The following SLC6A3 variants were observed in gnomAD, a reference collection of about 807,000 sequenced individuals.
The protein encoded by SLC6A3 is solute carrier family 6 member 3.
In SLC6A3, 19 loss-of-function variants were observed where a neutral mutation model predicts 70.4. That is an observed-to-expected ratio of 0.27 (90% CI 0.19 to 0.40). The LOEUF is 0.40. Among genes scored for constraint, SLC6A3 ranks in the 10% least tolerant of loss-of-function variants. SLC6A3 has a pLI of 1.00. For missense variants in SLC6A3, 613 were observed against 838.5 expected, an observed-to-expected ratio of 0.73 and a Z score of 3.32; for synonymous variants, 368 against 356.6, an observed-to-expected ratio of 1.03 and a Z score of -0.36.
Position 1,402,254 on chromosome 5 carries a change from C to G in SLC6A3, c.1767+668G>C, listed in dbSNP as rs1222972415. Among the ~76,000 whole-genome samples the G allele has an allele frequency of 6.6e-6, 1 of 151,928 alleles. No individual in the cohort carries two copies. Among genetic ancestry groups the G allele is most frequent in the Non-Finnish European group, 1.5e-5 (1 of 67,972 alleles). On this transcript the variant is annotated intron_variant, in intron 13 of 14. Transcript: ENST00000270349. The surrounding 1 kb of genome is among the most constrained non-coding windows in gnomAD (Gnocchi z 8.5). ...TCTTCCAAGGAGGGAGTGTCCTTGT[C>G]TCTTCCTGGAACCACAGAGCCAGGG...
intron 5 of SLC6A3, 88 bp from the exon 6 acceptor site, chr5:1,420,791 C>A (rs917351311): frequency 3.5e-6 from 5 of 1,438,536 alleles, no homozygotes; most frequent in African/African-American, 1.4e-5. Flanking sequence ...GTTGCCCTGA[C>A]GGCTTGTCCT....
Position 1,411,517 on chromosome 5 carries a change from G to GCCT in SLC6A3, c.1157-165_1157-163dup, listed in dbSNP as rs1362116424. 1.3e-5 allele frequency among the ~76,000 whole-genome samples: 2 copies of GCCT among 152,184 alleles called. No homozygotes were observed. The highest frequency in any genetic ancestry group is 4.8e-5 in the African/African-American group (2 of 41,442). On this transcript the variant is annotated intron_variant, in intron 8 of 14. Transcript: ENST00000270349. The surrounding 1 kb of genome is among the most constrained non-coding windows in gnomAD (Gnocchi z 6.5). ...CCCTTCTATATGTCCAGCAGACCAG[G>GCCT]CCTGGGACTCAGGAAAGCGGAAACC...
At chr5:1,403,939 T>C (rs1755910920) in intron 12 of SLC6A3, among the ~76,000 whole-genome samples, 1 of 152,266 alleles carries the variant, frequency 6.6e-6, no homozygotes, top group African/African-American at 2.4e-5. Flanking sequence ...CACACCTGAA[T>C]GTGTTCTGTG....
chr5:1,418,859 TATCC>T (rs148583954), intron 6 of SLC6A3, among the ~76,000 whole-genome samples: 29,754 of 144,610 alleles, frequency 0.21, 3,099 homozygotes, highest in South Asian at 0.29. Context: ...ATCCATCCAT[TATCC>T]ATCCATCCAT....
At chr5:1,427,405 G>A (rs1463488148) in intron 4 of SLC6A3, among the ~76,000 whole-genome samples, 1 of 152,204 alleles carries the variant, frequency 6.6e-6, no homozygotes, top group Non-Finnish European at 1.5e-5. Flanking sequence ...AGCTAATAGT[G>A]TTGATAAAAT....
chr5:1,395,279 A>G (rs1159949117), intron 14 of SLC6A3, among the ~76,000 whole-genome samples: 4 of 152,218 alleles, frequency 2.6e-5, no homozygotes, highest in Non-Finnish European at 4.4e-5. Flanking sequence ...TCAGGGACTG[A>G]TGAGATAGAC....
Position 1,401,765 on chromosome 5 carries a change from G to A in SLC6A3, c.1768-779C>T, listed in dbSNP as rs1269410735. Among the ~76,000 whole-genome samples the A allele has an allele frequency of 6.6e-6, 1 of 152,234 alleles. No individual in the cohort carries two copies. Among genetic ancestry groups the A allele is most frequent in the Non-Finnish European group, 1.5e-5 (1 of 68,042 alleles). On this transcript the variant is annotated intron_variant, in intron 13 of 14. Coordinates refer to ENST00000270349, the MANE Select transcript of SLC6A3 (RefSeq NM_001044.5). The surrounding 1 kb of genome is among the most constrained non-coding windows in gnomAD (Gnocchi z 6.1). ...ATCCTCCAGCTCTGCGCTGACCTGG[G>A]CCCCGCCTCCCACGTCCATCCAGCC... is the stretch of plus-strand genomic sequence containing the variant.
chr5:1,441,305 G>A (rs559095663), intron 3 of SLC6A3, 54 bp downstream of exon 3: 132 of 1,610,722 alleles, frequency 8.2e-5, no homozygotes, highest in Admixed American at 7.3e-4. Context: ...AAGCTCCAGC[G>A]TCACCACCAT....
In SLC6A3 at chr5:1,422,683, T is replaced by C. The variant is rs191435552; in HGVS notation, c.654-669A>G. 1.2e-3 allele frequency among the ~76,000 whole-genome samples: 33 copies of C among 26,480 alleles called. 9 individuals carry two copies. Among genetic ancestry groups the C allele is most frequent in the East Asian group, 7.1e-3 (3 of 420 alleles). The allele number at this position is 26,480 out of a possible 152,430, so 17.4% of individuals were successfully genotyped here. ...ACCCACCGCTGCCCAGTGCTGCCCA[T>C]GGTGCTGGGTGCCCACCACTGCCCA... On this transcript the variant is annotated intron_variant, in intron 4 of 14. Transcript: ENST00000270349.
chr5:1,429,957 G>A (rs922697190), intron 4 of SLC6A3, among the ~76,000 whole-genome samples: 1 of 152,208 alleles, frequency 6.6e-6, no homozygotes, highest in Admixed American at 6.5e-5. Flanking sequence ...GACAAATGGT[G>A]TGACTGTGCA....
rs1278654821 is a variant in SLC6A3 at position 1,405,836 on chromosome 5, G to A, written c.1599+352C>T. Among the ~76,000 whole-genome samples, 1 of 150,990 alleles carries A rather than the reference G, an allele frequency of 6.6e-6. No individual in the cohort carries two copies. Among genetic ancestry groups the A allele is most frequent in the Non-Finnish European group, 1.5e-5 (1 of 68,044 alleles). On this transcript the variant is annotated intron_variant, in intron 12 of 14. Coordinates refer to ENST00000270349, the MANE Select transcript of SLC6A3 (RefSeq NM_001044.5). The surrounding 1 kb of genome is among the most constrained non-coding windows in gnomAD (Gnocchi z 5.3). ...ATCCTTTGTCCCCACTGCCCCGGAAGCTCTAACTTCGACCTTGATCCTCAC... is the reference window on the plus strand; with the variant it reads ...ATCCTTTGTCCCCACTGCCCCGGAAACTCTAACTTCGACCTTGATCCTCAC...
intron 6 of SLC6A3, among the ~76,000 whole-genome samples, chr5:1,416,941 C>G (rs1474523258): frequency 2.6e-5 from 4 of 152,176 alleles, no homozygotes; most frequent in Non-Finnish European, 2.9e-5. Flanking sequence ...CCTGATAACC[C>G]TCAGAAAGTC....
In SLC6A3 at chr5:1,421,748, TG is replaced by T; in HGVS notation, c.792+127del. ...CCATGGCCATGTGTCCACCCCAACC[TG>T]GCCATGGCCACATTGGTAGCACAAA... On this transcript the variant is annotated intron_variant, in intron 5 of 14. Coordinates refer to ENST00000270349, the MANE Select transcript of SLC6A3 (RefSeq NM_001044.5). This position sits in a 1 kb window ranked among gnomAD's most constrained non-coding sequence, Gnocchi z 7.2. 1 of 1,013,232 alleles carries T rather than the reference TG, an allele frequency of 9.9e-7. No individual in the cohort carries two copies. Among genetic ancestry groups the T allele is most frequent in the Non-Finnish European group, 1.6e-6 (1 of 643,740 alleles). The allele number at this position is 1,013,232 out of a possible 1,614,324, so 62.8% of individuals were successfully genotyped here.
chr5:1,439,318 T>TGGGGGG (rs1756915591), intron 3 of SLC6A3, among the ~76,000 whole-genome samples: 1 of 17,124 alleles, frequency 5.8e-5, no homozygotes, highest in Non-Finnish European at 1.0e-4. Context: ...AAGATGTGTG[T>TGGGGGG]GGGGTGGGGG....
In SLC6A3 at chr5:1,396,658, T is replaced by C. The variant is rs1211300870; in HGVS notation, c.1840-1900A>G. On this transcript the variant is annotated intron_variant, in intron 14 of 14. Coordinates refer to ENST00000270349, the MANE Select transcript of SLC6A3 (RefSeq NM_001044.5). The surrounding 1 kb of genome is among the most constrained non-coding windows in gnomAD (Gnocchi z 7.0). ...CACATCCCGCTGTGAATGAGGAGGC[T>C]GGGGAGAGATCCGCCGACAGGACCA... Among the ~76,000 whole-genome samples, 1 of 151,978 alleles carries C rather than the reference T, an allele frequency of 6.6e-6. No individual in the cohort carries two copies. The highest frequency in any genetic ancestry group is 1.5e-5 in the Non-Finnish European group (1 of 67,984).
At chr5:1,430,849 T>G (rs966163845) in intron 4 of SLC6A3, among the ~76,000 whole-genome samples, 28 of 127,994 alleles carry the variant, frequency 2.2e-4, no homozygotes, top group Admixed American at 1.6e-4. Flanking sequence ...GCTTTCAAGC[T>G]CCCTGTTTTC....
rs1054316728 is a variant in SLC6A3, at chr5:1,411,107, C to T, written c.1269+136G>A. ...AGGTCTCCCAAATAATCACGGGGCT[C>T]GCCCAAGTCAAGGACAGGAGGTCTG... is the stretch of plus-strand genomic sequence containing the variant. On this transcript the variant is annotated intron_variant, in intron 9 of 14. Coordinates refer to ENST00000270349, the MANE Select transcript of SLC6A3 (RefSeq NM_001044.5). This position sits in a 1 kb window ranked among gnomAD's most constrained non-coding sequence, Gnocchi z 6.5. 34 of 701,090 alleles carry T rather than the reference C, an allele frequency of 4.8e-5. No homozygotes were observed. The highest frequency in any genetic ancestry group is 6.7e-5 in the Non-Finnish European group (26 of 386,390). 43.4% of individuals were successfully genotyped at this position (701,090 alleles called of 1,614,324 possible).
intron 12 of SLC6A3, among the ~76,000 whole-genome samples, chr5:1,403,969 C>T (rs547037714): frequency 2.3e-4 from 35 of 152,372 alleles, no homozygotes; most frequent in East Asian, 1.2e-3. Context: ...GTGTACTGCA[C>T]GCCTACATAT....
At chr5:1,412,121 C>T (rs561608385) in intron 8 of SLC6A3, among the ~76,000 whole-genome samples, 12 of 152,384 alleles carry the variant, frequency 7.9e-5, no homozygotes, top group South Asian at 4.1e-4. Context: ...TCCTGACCTC[C>T]GCCTTCCAGG....
Sources: allele counts gnomAD v4.1 joint callset (sites outside exome capture counted in the v4.1 genomes callset), GRCh38; gene constraint gnomAD v4.1.1; non-coding constraint Gnocchi (gnomAD v3.1); transcripts MANE v1.5; gene names NCBI Gene and HGNC (gene_info 2026-07-23, HGNC 2026-07-21).